MEOX2: variants seen among roughly 807,000 people sequenced by gnomAD.
The protein encoded by MEOX2 is homeobox protein MOX-2.
In MEOX2, 11 loss-of-function variants were observed where a neutral mutation model predicts 27.0. The ratio of observed to expected loss-of-function variants is 0.41; its 90% CI spans 0.26 to 0.68. The LOEUF (loss-of-function observed/expected upper bound fraction) is 0.68, where lower values mean the gene tolerates loss of function less well. MEOX2 is among the 30% of genes least tolerant of loss of function. The probability of loss-of-function intolerance (pLI) is 0.33; values close to 1 mark genes in which losing one functional copy is unlikely to be tolerated. For synonymous variants in MEOX2, 189 were observed against 155.4 expected (o/e 1.22, Z -1.61); for missense variants, 436 against 385.4 (o/e 1.13, Z -1.10).
At chr7:15,681,312 A>T (rs1341479706) in intron 1 of MEOX2, 1 of 151,750 alleles carries the variant, frequency 6.6e-6, no homozygotes, top group African/African-American at 2.4e-5. Context: ...AAAAACCTTC[A>T]TATTAGGTTG....
chr7:15,615,892 T>C (rs6461196), intron 2 of MEOX2, among the ~76,000 whole-genome samples: 102,139 of 151,728 alleles, frequency 0.67, 34,618 homozygotes, highest in East Asian at 0.81. Flanking sequence ...CATATATTTC[T>C]TTTTCTAGGA....
At chr7:15,654,160 C>T in intron 1 of MEOX2, among the ~76,000 whole-genome samples, 1 of 151,898 alleles carries the variant, frequency 6.6e-6, no homozygotes, top group East Asian at 1.9e-4. Flanking sequence ...TCTGGTTGAG[C>T]TATTGGAGCT....
chr7:15,655,587 T>G (rs1367641844), intron 1 of MEOX2, among the ~76,000 whole-genome samples: 1 of 151,788 alleles, frequency 6.6e-6, no homozygotes, highest in Non-Finnish European at 1.5e-5. Flanking sequence ...TTCTTGCAGA[T>G]CAATGTATTT....
At chr7:15,641,910 A>G (rs547757778) in intron 1 of MEOX2, among the ~76,000 whole-genome samples, 20 of 152,200 alleles carry the variant, frequency 1.3e-4, no homozygotes, top group African/African-American at 4.1e-4. Flanking sequence ...TTTTGTTGCC[A>G]TTCGAAAAAA....
At chr7:15,627,365 A>G (rs1781328860) in intron 1 of MEOX2, among the ~76,000 whole-genome samples, 1 of 152,122 alleles carries the variant, frequency 6.6e-6, no homozygotes, top group Admixed American at 6.6e-5. Context: ...TAGCAACTGG[A>G]CCATAAAAAA....
At chr7:15,632,901 T>C (rs1781424250) in intron 1 of MEOX2, among the ~76,000 whole-genome samples, 1 of 151,962 alleles carries the variant, frequency 6.6e-6, no homozygotes, top group Non-Finnish European at 1.5e-5. Flanking sequence ...AAGGCACTTG[T>C]GCCTGGATCT....
At position 15,612,530 on chromosome 7, in the gene MEOX2, C is replaced by A. The variant is rs1425893870; in HGVS notation, c.772G>T (p.Glu258Ter). Residue 258 changes from glutamate to a stop codon, truncating the protein, a stop_gained, in exon 3 of 3, where the codon GAA becomes TAA. Transcript: ENST00000262041. LOFTEE classifies it high-confidence loss of function. ...GTTCCCTTTTTCACATTCACCAGTTCCTTTTCCCGAGCCGCAGCTCCTTGC... is the reference window on the plus strand; with the variant it reads ...GTTCCCTTTTTCACATTCACCAGTTACTTTTCCCGAGCCGCAGCTCCTTGC... ...GQQGAAAREK[E>*]LVNVKKGTLL... 5 of 1,614,062 alleles carry A rather than the reference C, an allele frequency of 3.1e-6. No individual in the cohort carries two copies. The highest frequency in any genetic ancestry group is 4.2e-6 in the Non-Finnish European group (5 of 1,180,038).
At chr7:15,647,559 ATGATC>A (rs1380296793) in intron 1 of MEOX2, among the ~76,000 whole-genome samples, 1 of 152,106 alleles carries the variant, frequency 6.6e-6, no homozygotes, top group Non-Finnish European at 1.5e-5. Flanking sequence ...CTCAAGGATA[ATGATC>A]TAGGTTCTAA....
chr7:15,617,560 T>C (rs1174452761), intron 2 of MEOX2, among the ~76,000 whole-genome samples: 2 of 152,086 alleles, frequency 1.3e-5, no homozygotes, highest in Admixed American at 6.6e-5. Context: ...CCTGAATAGA[T>C]GGATTTATAT....
At chr7:15,685,191 A>G (rs1782357850) in intron 1 of MEOX2, among the ~76,000 whole-genome samples, 1 of 152,198 alleles carries the variant, frequency 6.6e-6, no homozygotes, top group Admixed American at 6.5e-5. Flanking sequence ...GACATGTACT[A>G]TTAAGGTTCG....
intron 1 of MEOX2, among the ~76,000 whole-genome samples, chr7:15,672,578 G>T (rs1782116994): frequency 6.6e-6 from 1 of 151,998 alleles, no homozygotes; most frequent in Non-Finnish European, 1.5e-5. Flanking sequence ...ACAATCAAAG[G>T]TATTTCACTT....
At chr7:15,684,128 C>T (rs917440) in intron 1 of MEOX2, among the ~76,000 whole-genome samples, 53,963 of 151,972 alleles carry the variant, frequency 0.36, 11,072 homozygotes, top group East Asian at 0.47. Context: ...CCCTGAGAAA[C>T]TTAAGGGCAA....
At chr7:15,661,012 CAAAAAAAA>C (rs71004402) in intron 1 of MEOX2, among the ~76,000 whole-genome samples, 39 of 44,336 alleles carry the variant, frequency 8.8e-4, no homozygotes, top group African/African-American at 1.9e-3. Context: ...GACTCAGTCT[CAAAAAAAA>C]AAAAAAAAAA....
chr7:15,663,366 T>C (rs1486402142), intron 1 of MEOX2, among the ~76,000 whole-genome samples: 2 of 151,066 alleles, frequency 1.3e-5, no homozygotes, highest in Non-Finnish European at 1.5e-5. Flanking sequence ...GGAGTCTCAC[T>C]CAGTCACCCA....
chr7:15,650,497 A>G (rs1245260181), intron 1 of MEOX2, among the ~76,000 whole-genome samples: 1 of 152,022 alleles, frequency 6.6e-6, no homozygotes, highest in Non-Finnish European at 1.5e-5. Context: ...TGTATGTTTC[A>G]TACGTGCAAA....
chr7:15,674,879 A>G (rs1782167212), intron 1 of MEOX2, among the ~76,000 whole-genome samples: 1 of 152,086 alleles, frequency 6.6e-6, no homozygotes, highest in Non-Finnish European at 1.5e-5. Context: ...AATCATTAAT[A>G]TTTTTCAGCA....
chr7:15,633,632 C>T (rs2115365421), intron 1 of MEOX2, among the ~76,000 whole-genome samples: 1 of 152,062 alleles, frequency 6.6e-6, no homozygotes, highest in African/African-American at 2.4e-5. Context: ...CACACCTTCT[C>T]AGAGTGTAAG....
intron 1 of MEOX2, among the ~76,000 whole-genome samples, chr7:15,660,575 T>G (rs549778116): frequency 1.3e-5 from 2 of 152,276 alleles, no homozygotes; most frequent in South Asian, 4.1e-4. Flanking sequence ...CGCCTCCGAC[T>G]TGTGACAATT....
Position 15,686,121 on chromosome 7 carries a change from G to T in MEOX2, c.282C>A (p.Leu94=). 1 of 1,583,078 alleles carries T rather than the reference G, an allele frequency of 6.3e-7. No homozygotes were observed. The change falls in exon 1 of 3, where the codon CTC becomes CTA. Residue 94 remains leucine, a synonymous_variant. Transcript: ENST00000262041. ...QHQALQTNWH[L]PQMSSPPSAA... Reference sequence around the variant, plus strand: ...CACTCGGTGGGGAAGACATCTGCGGGAGGTGCCAGTTGGTTTGCAGAGCCT... The same window carrying T: ...CACTCGGTGGGGAAGACATCTGCGGTAGGTGCCAGTTGGTTTGCAGAGCCT...
Sources: allele counts gnomAD v4.1 joint callset (sites outside exome capture counted in the v4.1 genomes callset), GRCh38; gene constraint gnomAD v4.1.1; transcripts MANE v1.5; gene names NCBI Gene and HGNC (gene_info 2026-07-23, HGNC 2026-07-21).